PSD3: variants seen among roughly 807,000 people sequenced by gnomAD.
PSD3 encodes the protein PH and SEC7 domain-containing protein 3.
Under a neutral mutation model 105.5 loss-of-function variants are expected in PSD3, and 49 were observed. The ratio of observed to expected loss-of-function variants is 0.46; its 90% CI spans 0.37 to 0.59. The LOEUF is 0.59. Ranked by LOEUF, PSD3 falls within the 20% of genes least tolerant of loss-of-function variation. The probability of loss-of-function intolerance (pLI) is 0.00; values close to 1 mark genes in which losing one functional copy is unlikely to be tolerated. For synonymous variants in PSD3, 557 were observed against 457.8 expected (o/e 1.22, Z -2.77); for missense variants, 1,561 against 1,263.8 (o/e 1.24, Z -3.57).
chr8:18,805,835 C>T (rs1811149904), intron 4 of PSD3, among the ~76,000 whole-genome samples: 1 of 152,148 alleles, frequency 6.6e-6, no homozygotes, highest in East Asian at 1.9e-4. Context: ...TTCAAAAGCT[C>T]AAATGTAATC....
chr8:18,828,378 A>C (rs1175592110), intron 4 of PSD3, among the ~76,000 whole-genome samples: 1 of 152,196 alleles, frequency 6.6e-6, no homozygotes, highest in East Asian at 1.9e-4. Flanking sequence ...ACAAACATTC[A>C]AGACTCAAGT....
chr8:18,985,596 G>C (rs1825461335), intron 1 of PSD3, among the ~76,000 whole-genome samples: 1 of 152,138 alleles, frequency 6.6e-6, no homozygotes, highest in South Asian at 2.1e-4. Context: ...TAGTTTACTT[G>C]TCTTTTGTCA....
chr8:19,044,612 T>G (rs1417109030), intron 1 of PSD3, among the ~76,000 whole-genome samples: 1 of 152,212 alleles, frequency 6.6e-6, no homozygotes, highest in African/African-American at 2.4e-5. Flanking sequence ...TAGTCCTTAA[T>G]CTTGTCACTA....
At chr8:18,565,391 T>C (rs932606325) in intron 14 of PSD3, among the ~76,000 whole-genome samples, 14 of 152,184 alleles carry the variant, frequency 9.2e-5, no homozygotes, top group African/African-American at 3.4e-4. Flanking sequence ...GGCAGCACTG[T>C]CATGAAAAAC....
intron 9 of PSD3, among the ~76,000 whole-genome samples, chr8:18,659,070 G>T (rs952576131): frequency 6.6e-6 from 1 of 152,158 alleles, no homozygotes; most frequent in African/African-American, 2.4e-5. Context: ...GTGGCTAGGA[G>T]AAAGTTCTAT....
chr8:19,030,661 C>T (rs550965191), intron 1 of PSD3, among the ~76,000 whole-genome samples: 1 of 152,268 alleles, frequency 6.6e-6, no homozygotes, highest in East Asian at 1.9e-4. Flanking sequence ...CACCAGCTTC[C>T]TGTACAGTCT....
At chr8:18,737,938 C>A (rs1053440155) in intron 9 of PSD3, among the ~76,000 whole-genome samples, 8 of 152,132 alleles carry the variant, frequency 5.3e-5, no homozygotes, top group African/African-American at 1.7e-4. Flanking sequence ...GAGGCTCCCT[C>A]TACTCAATTT....
chr8:18,813,541 A>G (rs993541559), intron 4 of PSD3, among the ~76,000 whole-genome samples: 6 of 152,226 alleles, frequency 3.9e-5, no homozygotes, highest in African/African-American at 1.4e-4. Context: ...ATTCATTTGA[A>G]TTCTGTTACA....
In PSD3 at chr8:18,703,564, G is replaced by A. The variant is rs184375261; in HGVS notation, c.2173-47879C>T. ...TGCCAGTGAAAATAAATCACCCAGA[G>A]AAAAGAGATCCCATATAGAGAATTC... On this transcript the variant is annotated intron_variant, in intron 9 of 15. Coordinates refer to ENST00000327040, the MANE Select transcript of PSD3 (RefSeq NM_015310.4). Among the ~76,000 whole-genome samples the A allele has an allele frequency of 3.5e-3, 530 of 152,200 alleles. 4 individuals are homozygous for A. Among genetic ancestry groups the A allele is most frequent in the Non-Finnish European group, 5.0e-3 (339 of 68,018 alleles).
intron 4 of PSD3, among the ~76,000 whole-genome samples, chr8:18,811,889 C>T (rs1811719477): frequency 6.6e-6 from 1 of 152,114 alleles, no homozygotes; most frequent in South Asian, 2.1e-4. Context: ...AAATATATTC[C>T]ATTTAGTAAC....
intron 8 of PSD3, among the ~76,000 whole-genome samples, chr8:18,767,702 G>A (rs1482202610): frequency 1.3e-5 from 2 of 151,990 alleles, no homozygotes; most frequent in South Asian, 2.1e-4. Flanking sequence ...AGCAGAGATC[G>A]TGCCACTGCA....
chr8:18,771,125 T>C (rs962020524), intron 8 of PSD3, among the ~76,000 whole-genome samples: 2 of 152,160 alleles, frequency 1.3e-5, no homozygotes, highest in African/African-American at 4.8e-5. Context: ...TTCTCCTCTC[T>C]CTGCTGGCTG....
intron 11 of PSD3, among the ~76,000 whole-genome samples, chr8:18,607,025 T>C (rs952980311): frequency 6.6e-6 from 1 of 152,242 alleles, no homozygotes; most frequent in Non-Finnish European, 1.5e-5. Context: ...AGTAAATATT[T>C]TCTAAAGATA....
intron 12 of PSD3, among the ~76,000 whole-genome samples, chr8:18,594,707 C>T (rs765292689): frequency 6.6e-6 from 1 of 151,572 alleles, no homozygotes; most frequent in Non-Finnish European, 1.5e-5. Context: ...GCTCAAGTCA[C>T]TTACATAACA....
chr8:18,963,965 T>C (rs1023515915), intron 1 of PSD3, among the ~76,000 whole-genome samples: 5 of 152,328 alleles, frequency 3.3e-5, no homozygotes, highest in African/African-American at 1.2e-4. Flanking sequence ...TAGGCAGGCT[T>C]TCTTCACGAA....
chr8:18,609,592 GTA>G (rs1805105898), intron 11 of PSD3, among the ~76,000 whole-genome samples: 1 of 152,180 alleles, frequency 6.6e-6, no homozygotes, highest in Admixed American at 6.5e-5. Context: ...AATCCTTAAA[GTA>G]TGTAGCCTAA....
chr8:18,554,401 AT>A (rs540366616), intron 15 of PSD3, among the ~76,000 whole-genome samples: 1 of 151,950 alleles, frequency 6.6e-6, no homozygotes, highest in African/African-American at 2.4e-5. Context: ...TTTTTATTTT[AT>A]TTTTTCAAGC....
At chr8:18,572,359 G>A (rs923391) in intron 14 of PSD3, among the ~76,000 whole-genome samples, 169 bp downstream of exon 14, 107,485 of 152,130 alleles carry the variant, frequency 0.71, 40,493 homozygotes, top group Non-Finnish European at 0.83. Flanking sequence ...CCTACATGAA[G>A]TGTAAAACCC....
At chr8:19,002,953 T>C (rs1826481042) in intron 1 of PSD3, among the ~76,000 whole-genome samples, 1 of 151,974 alleles carries the variant, frequency 6.6e-6, no homozygotes, top group Non-Finnish European at 1.5e-5. Context: ...CAATAATAAT[T>C]CCAGTTCCCA....
Sources: allele counts gnomAD v4.1 joint callset (sites outside exome capture counted in the v4.1 genomes callset), GRCh38; gene constraint gnomAD v4.1.1; transcripts MANE v1.5; gene names NCBI Gene and HGNC (gene_info 2026-07-23, HGNC 2026-07-21).